OTOF: variants seen among roughly 807,000 people sequenced by gnomAD.
OTOF encodes the protein fer-1-like family member 2.
Under a neutral mutation model 236.8 loss-of-function variants are expected in OTOF, and 218 were observed. The observed-to-expected ratio is 0.92, with a 90% CI of 0.82 to 1.03. OTOF has a LOEUF of 1.03. OTOF is among the 50% of genes least tolerant of loss of function. The pLI is 0.00. For synonymous variants in OTOF, 1,041 were observed against 1,072.5 expected, an observed-to-expected ratio of 0.97 and a Z score of 0.57; for missense variants, 2,590 against 2,694.4, an observed-to-expected ratio of 0.96 and a Z score of 0.86.
chr2:26,482,048 TACAC>T (rs1179690151), intron 14 of OTOF, among the ~76,000 whole-genome samples: 2 of 152,198 alleles, frequency 1.3e-5, no homozygotes, highest in Non-Finnish European at 2.9e-5. Context: ...CATATATATA[TACAC>T]ACACACTGTA....
intron 5 of OTOF, among the ~76,000 whole-genome samples, chr2:26,506,728 G>T (rs906991468): frequency 6.6e-6 from 1 of 152,266 alleles, no homozygotes; most frequent in East Asian, 1.9e-4. Flanking sequence ...GGTCCGGTGC[G>T]GTGACTCACA....
intron 13 of OTOF, among the ~76,000 whole-genome samples, chr2:26,482,929 G>A (rs1665592274): frequency 6.6e-6 from 1 of 151,222 alleles, no homozygotes; most frequent in African/African-American, 2.4e-5. Flanking sequence ...GTGAGTGGGT[G>A]CATGTATGTA....
chr2:26,543,751 C>A (rs147166928), intron 1 of OTOF, among the ~76,000 whole-genome samples: 2 of 152,238 alleles, frequency 1.3e-5, no homozygotes, highest in Non-Finnish European at 2.9e-5. Flanking sequence ...GAGTCTTGAT[C>A]TGTCACCCAG....
intron 6 of OTOF, among the ~76,000 whole-genome samples, chr2:26,503,489 G>A (rs1418406832): frequency 6.6e-6 from 1 of 152,256 alleles, no homozygotes; most frequent in Non-Finnish European, 1.5e-5. Flanking sequence ...GATATTCTCT[G>A]CTCTAATTAA....
intron 5 of OTOF, among the ~76,000 whole-genome samples, chr2:26,511,767 G>A (rs1414770057): frequency 6.6e-6 from 1 of 152,244 alleles, no homozygotes; most frequent in African/African-American, 2.4e-5. Flanking sequence ...CAGTGCGCCC[G>A]GCTGCCCCGG....
intron 6 of OTOF, among the ~76,000 whole-genome samples, chr2:26,502,955 A>C (rs1038421058): frequency 6.6e-6 from 1 of 152,238 alleles, no homozygotes; most frequent in Non-Finnish European, 1.5e-5. Flanking sequence ...TATTCATCTA[A>C]TGAGATGCAG....
rs1487612277 is a variant in OTOF at position 26,479,540 on chromosome 2, C to T, written c.2026G>A (p.Ala676Thr). Reference protein sequence around the residue: ...DLIQNASDDEAGDAGDLASVS... With the variant: ...DLIQNASDDETGDAGDLASVS... Reference sequence around the variant, plus strand: ...GAGGCCAGGTCCCCGGCATCACCGGCCTCGTCATCACTTGCGTTCTGAATC... The same window carrying T: ...GAGGCCAGGTCCCCGGCATCACCGGTCTCGTCATCACTTGCGTTCTGAATC... The change falls in exon 17 of 47, where the codon GCC becomes ACC. Residue 676 changes from alanine to threonine, a missense_variant. Physicochemically the swap from Ala to Thr is moderately conservative, Grantham distance 58. Around this residue, in one of 2 missense-constraint regions of OTOF, gnomAD observed 1,379 missense variants for 1,341.6 expected, o/e 1.03. Coordinates refer to ENST00000272371, the MANE Select transcript of OTOF (RefSeq NM_194248.3). The T allele has an allele frequency of 1.2e-6, 2 of 1,611,140 alleles. No homozygotes were observed. The highest frequency in any genetic ancestry group is 1.7e-6 in the Non-Finnish European group (2 of 1,179,470).
rs199613764 is a variant in OTOF, at chr2:26,476,146, C to A, written c.2848G>T (p.Val950Phe). 5 of 1,611,036 alleles carry A rather than the reference C, an allele frequency of 3.1e-6. No individual in the cohort carries two copies. In the South Asian group the frequency reaches 4.4e-5, roughly 14 times the overall value. The change falls in exon 23 of 47, where the codon GTC (valine) becomes TTC (phenylalanine). Residue 950 changes from valine to phenylalanine, a missense_variant. Coordinates refer to ENST00000272371, the MANE Select transcript of OTOF (RefSeq NM_194248.3). ...CACTCACTGGTGTAGACCAGGCTGA[C>A]GGGTGGGAAGGCATGCAGGCCCAGG... The part of the protein sequence containing the change: ...QGLGLHAFPP[V>F]SLVYTKKQAF...
intron 30 of OTOF, among the ~76,000 whole-genome samples, chr2:26,472,011 C>T (rs902144186): frequency 2.0e-5 from 3 of 152,120 alleles, no homozygotes; most frequent in African/African-American, 7.2e-5. Context: ...ACACCACATG[C>T]ACATATGCAC....
chr2:26,469,615 A>T lies in OTOF; in HGVS notation c.4023+978T>A, dbSNP rs143110248. Among the ~76,000 whole-genome samples the T allele has an allele frequency of 4.8e-4, 73 of 152,332 alleles. No individual in the cohort carries two copies. The East Asian group carries it at 0.014, about 29-fold the overall frequency. On this transcript the variant is annotated intron_variant, in intron 32 of 46. Transcript: ENST00000272371. The stretch of plus-strand genomic sequence containing the variant: ...CCTTCCTGTGCACTTGAATTAGAAC[A>T]TGATGTTGAGTCACCTCCAACCTTA...
chr2:26,460,753 G>C lies in OTOF; in HGVS notation c.5713-6C>G, dbSNP rs757092054. On this transcript the variant is annotated splice_region_variant and splice_polypyrimidine_tract_variant and intron_variant, in intron 44 of 46. Transcript: ENST00000272371. This position sits in a 1 kb window ranked among gnomAD's most constrained non-coding sequence, Gnocchi z 5.3. ...AGCTCAGCCTCCACCTTGCCCTGCA[G>C]AGGACAGACAGGTCCCAGCGTCCAG... The C allele has an allele frequency of 6.2e-7, 1 of 1,613,982 alleles. No individual in the cohort carries two copies. Among genetic ancestry groups the C allele is most frequent in the African/African-American group, 1.3e-5 (1 of 75,030 alleles).
chr2:26,534,744 A>T (rs566520234), intron 2 of OTOF, among the ~76,000 whole-genome samples: 1 of 152,292 alleles, frequency 6.6e-6, no homozygotes, highest in South Asian at 2.1e-4. Flanking sequence ...AAGCCCAAAG[A>T]GGTTCCTCAG....
Position 26,489,049 on chromosome 2 carries a change from G to A in OTOF, c.1045+162C>T, listed in dbSNP as rs566974310. On this transcript the variant is annotated intron_variant, in intron 11 of 46. Transcript: ENST00000272371. ...CACTGCATTTGTGTACAGACTGTGC[G>A]CGCCACTTCTCCGCAGGCCAGATGG... Among the ~76,000 whole-genome samples the A allele has an allele frequency of 6.6e-5, 10 of 152,366 alleles. No individual in the cohort carries two copies. The East Asian group carries it at 7.7e-4, about 12-fold the overall frequency.
chr2:26,489,134 A>G (rs1558495118), intron 11 of OTOF, 77 bp downstream of exon 11: 1 of 1,045,728 alleles, frequency 9.6e-7, no homozygotes, highest in Non-Finnish European at 1.4e-6. Context: ...AGGAACTGCC[A>G]CAGTGGGAAG....
At chr2:26,536,690 C>G (rs1667078781) in intron 2 of OTOF, among the ~76,000 whole-genome samples, 1 of 152,162 alleles carries the variant, frequency 6.6e-6, no homozygotes, top group African/African-American at 2.4e-5. Flanking sequence ...TGAGGCCCTT[C>G]CCAGCCCCCA....
At position 26,463,978 on chromosome 2, in the gene OTOF, G is replaced by T. The variant is rs969831060; in HGVS notation, c.5089C>A (p.Pro1697Thr). Residue 1697 changes from proline (P) to threonine (T), a missense_variant, in exon 40 of 47, where the codon CCG becomes ACG. Physicochemically the swap from Pro to Thr is conservative, Grantham distance 38 (BLOSUM62 -1). Transcript: ENST00000272371. ...GCAAGTGTCACCTGCTCGATGCCCGGCTTGTCGGGGTTGAGCAGCGGCCTC... is the reference window on the plus strand; with the variant it reads ...GCAAGTGTCACCTGCTCGATGCCCGTCTTGTCGGGGTTGAGCAGCGGCCTC... ...ETRPLLNPDK[P>T]GIEQGRLELW... is the part of the protein sequence containing the mutation. 9 of 1,613,700 alleles carry T rather than the reference G, an allele frequency of 5.6e-6. No homozygotes were observed. The highest frequency in any genetic ancestry group is 5.9e-6 in the Non-Finnish European group (7 of 1,180,036).
In OTOF at chr2:26,477,163, G is replaced by T. The variant is rs2148051096; in HGVS notation, c.2523+9C>A. The stretch of plus-strand genomic sequence containing the variant: ...GGATGAGGCAAAGCCCCGACCCCTT[G>T]GGCCGCACCTCGTCCGCCAGGAAGC... On this transcript the variant is annotated intron_variant, in intron 21 of 46. Transcript: ENST00000272371. The surrounding 1 kb of genome is among the most constrained non-coding windows in gnomAD (Gnocchi z 4.7). 6.2e-7 allele frequency: 1 copy of T among 1,607,886 alleles called. No individual in the cohort carries two copies. The highest frequency in any genetic ancestry group is 8.5e-7 in the Non-Finnish European group (1 of 1,178,142).
At chr2:26,475,287 GCAGGTGGAGTGCAGGGAACAAGGGC>G in intron 25 of OTOF, 47 bp downstream of exon 25, 1 of 1,553,988 alleles carries the variant, frequency 6.4e-7, no homozygotes, top group Non-Finnish European at 8.9e-7. Flanking sequence ...CAGCCTCAGC[GCAGGTGGAGTGCAGGGAACAAGGGC>G]CAGGTGTGGT....
chr2:26,459,571 AAAAAAT>A, intron 46 of OTOF, among the ~76,000 whole-genome samples: 2 of 151,212 alleles, frequency 1.3e-5, no homozygotes, highest in Non-Finnish European at 1.5e-5. Flanking sequence ...AAAAAAAAAA[AAAAAAT>A]TGGGTTACAG....
Sources: gnomAD v4.1 joint callset for allele counts (sites outside exome capture counted in the v4.1 genomes callset) on GRCh38, gnomAD v4.1.1 for gene constraint, gnomAD v4.1.1 regional missense constraint, Gnocchi (gnomAD v3.1) non-coding constraint, MANE v1.5 for transcripts, NCBI Gene and HGNC (gene_info 2026-07-23, HGNC 2026-07-21) for gene names.